CNTN5: variants seen among roughly 807,000 people sequenced by gnomAD.
CNTN5 encodes the protein contactin-5.
In CNTN5, 77 loss-of-function variants were observed where a neutral mutation model predicts 129.1. That is an observed-to-expected ratio of 0.60 (90% CI 0.50 to 0.72). The LOEUF (loss-of-function observed/expected upper bound fraction) is 0.72. CNTN5 is among the 30% of genes least tolerant of loss of function. The probability of loss-of-function intolerance (pLI) is 0.00; values close to 1 mark genes in which losing one functional copy is unlikely to be tolerated. For synonymous variants in CNTN5, 509 were observed against 465.6 expected, an observed-to-expected ratio of 1.09 and a Z score of -1.20; for missense variants, 1,478 against 1,328.8, an observed-to-expected ratio of 1.11 and a Z score of -1.75.
At chr11:100,280,965 T>TA (rs545242782) in intron 18 of CNTN5, among the ~76,000 whole-genome samples, 1 of 152,244 alleles carries the variant, frequency 6.6e-6, no homozygotes, top group East Asian at 1.9e-4. Context: ...AGAAAACTAG[T>TA]AAAAAATCTA....
intron 2 of CNTN5, among the ~76,000 whole-genome samples, chr11:99,397,153 A>G (rs1941567875): frequency 6.6e-6 from 1 of 151,788 alleles, no homozygotes; most frequent in Non-Finnish European, 1.5e-5. Context: ...TTTGAGAAAA[A>G]TCAGTAAGGT....
intron 4 of CNTN5, 119 bp from the exon 5 acceptor site, chr11:99,844,733 A>G: frequency 1.1e-6 from 1 of 869,950 alleles, no homozygotes. Flanking sequence ...TTGGGAATTT[A>G]CCTGTTGATT....
chr11:99,465,636 A>ATTT lies in CNTN5; in HGVS notation c.-70-90503_-70-90501dup, dbSNP rs11400212. On this transcript the variant is annotated intron_variant, in intron 2 of 24. Coordinates refer to ENST00000524871, the MANE Select transcript of CNTN5 (RefSeq NM_014361.4). ...ATTTATTAAATTAATGAATAAATTA[A>ATTT]TTTTTTTTAGATAAGCTGTATTGGT... Among the ~76,000 whole-genome samples the ATTT allele has an allele frequency of 7.8e-3, 1,173 of 150,574 alleles. 56 individuals carry two copies. The highest frequency in any genetic ancestry group is 0.058 in the Admixed American group (878 of 15,132).
In CNTN5 at chr11:99,161,316, A is replaced by G. The variant is rs540416907; in HGVS notation, c.-210+140046A>G. On this transcript the variant is annotated intron_variant, in intron 1 of 24. Transcript: ENST00000524871. ...GACAGATACTTCTAACTGCATACCCAATACTTTTTATTTCCTTAATAACAG... is the reference window on the plus strand; with the variant it reads ...GACAGATACTTCTAACTGCATACCCGATACTTTTTATTTCCTTAATAACAG... Among the ~76,000 whole-genome samples the G allele has an allele frequency of 3.3e-5, 5 of 152,274 alleles. No individual in the cohort carries two copies. In the South Asian group the frequency reaches 1.0e-3, roughly 32 times the overall value.
intron 9 of CNTN5, among the ~76,000 whole-genome samples, chr11:100,020,690 AC>A (rs1375618605): frequency 6.6e-6 from 1 of 152,152 alleles, no homozygotes; most frequent in Admixed American, 6.6e-5. Context: ...AAAGAGTCCA[AC>A]AAAAAGCTAT....
At chr11:99,790,115 A>C (rs778102677) in intron 3 of CNTN5, among the ~76,000 whole-genome samples, 3 of 151,708 alleles carry the variant, frequency 2.0e-5, no homozygotes, top group Non-Finnish European at 4.4e-5. Context: ...AATTTGAAAG[A>C]CATGATTTCA....
At chr11:99,757,747 C>T (rs532766479) in intron 3 of CNTN5, among the ~76,000 whole-genome samples, 4 of 152,054 alleles carry the variant, frequency 2.6e-5, no homozygotes, top group East Asian at 1.9e-4. Context: ...GCTTGAATTC[C>T]GACTCTGCTA....
intron 2 of CNTN5, among the ~76,000 whole-genome samples, chr11:99,336,699 G>A (rs567123557): frequency 1.3e-5 from 2 of 152,100 alleles, no homozygotes; most frequent in African/African-American, 4.8e-5. Flanking sequence ...AATTAGCTGG[G>A]CATGGTGCTG....
chr11:99,714,035 T>C (rs1325529713), intron 3 of CNTN5, among the ~76,000 whole-genome samples: 2 of 151,854 alleles, frequency 1.3e-5, no homozygotes, highest in African/African-American at 4.8e-5. Context: ...CTATAGCTCT[T>C]TGGGGACTTG....
At chr11:99,449,789 A>G (rs753445457) in intron 2 of CNTN5, among the ~76,000 whole-genome samples, 6 of 152,126 alleles carry the variant, frequency 3.9e-5, no homozygotes, top group Non-Finnish European at 8.8e-5. Flanking sequence ...CAATTCCCCA[A>G]GCGCTTATAA....
chr11:99,146,407 A>G (rs1859787122), intron 1 of CNTN5, among the ~76,000 whole-genome samples: 1 of 152,204 alleles, frequency 6.6e-6, no homozygotes, highest in Non-Finnish European at 1.5e-5. Context: ...TACAAAAATT[A>G]TGCATAATCC....
chr11:99,177,576 T>A (rs1164629641), intron 1 of CNTN5, among the ~76,000 whole-genome samples: 1 of 152,228 alleles, frequency 6.6e-6, no homozygotes, highest in Non-Finnish European at 1.5e-5. Context: ...GTGTTATGCA[T>A]GTCTATGGTT....
At chr11:99,985,115 C>G (rs577316241) in intron 8 of CNTN5, among the ~76,000 whole-genome samples, 191 of 152,150 alleles carry the variant, frequency 1.3e-3, no homozygotes, top group African/African-American at 4.4e-3. Flanking sequence ...TTACTTAGCC[C>G]CTTGCCTCAT....
At chr11:99,366,425 G>A (rs1343319264) in intron 2 of CNTN5, among the ~76,000 whole-genome samples, 2 of 152,118 alleles carry the variant, frequency 1.3e-5, no homozygotes, top group African/African-American at 4.8e-5. Flanking sequence ...TAGTATGAAT[G>A]TTGGTAATCA....
At chr11:99,873,209 C>T (rs1344602481) in intron 6 of CNTN5, among the ~76,000 whole-genome samples, 1 of 151,888 alleles carries the variant, frequency 6.6e-6, no homozygotes, top group African/African-American at 2.4e-5. Context: ...ATTGTTACTT[C>T]CTTGAGTTAA....
At position 100,177,696 on chromosome 11, in the gene CNTN5, G is replaced by A. The variant is rs886313214; in HGVS notation, c.1581-13430G>A. Among the ~76,000 whole-genome samples, 4 of 151,998 alleles carry A rather than the reference G, an allele frequency of 2.6e-5. No individual in the cohort carries two copies. In the South Asian group the frequency reaches 8.3e-4, roughly 31 times the overall value. On this transcript the variant is annotated intron_variant, in intron 13 of 24. Transcript: ENST00000524871. ...GTATAATTGTCTTTCCTTTTAAAAAGATGGCTATTTCATCTGCCAAAACAG... is the reference window on the plus strand; with the variant it reads ...GTATAATTGTCTTTCCTTTTAAAAAAATGGCTATTTCATCTGCCAAAACAG...
chr11:100,260,120 C>T lies in CNTN5; in HGVS notation c.2164+4202C>T, dbSNP rs545197325. On this transcript the variant is annotated intron_variant, in intron 17 of 24. Transcript: ENST00000524871. ...AAAAATGATAAAGGGGATATCACTACTGATCCCACAGAAATACAAACTACC... is the reference window on the plus strand; with the variant it reads ...AAAAATGATAAAGGGGATATCACTATTGATCCCACAGAAATACAAACTACC... 4.4e-4 allele frequency among the ~76,000 whole-genome samples: 67 copies of T among 152,278 alleles called. 1 individual carries two copies. The South Asian group carries it at 0.012, about 28-fold the overall frequency.
At chr11:99,381,194 G>A (rs934197203) in intron 2 of CNTN5, among the ~76,000 whole-genome samples, 12 of 152,054 alleles carry the variant, frequency 7.9e-5, no homozygotes, top group Admixed American at 6.6e-4. Flanking sequence ...TAATCACTGC[G>A]GTAAGTGCTA....
rs1944794923 is a variant in CNTN5 at position 100,091,754 on chromosome 11, T to C, written c.1580+17460T>C. On this transcript the variant is annotated intron_variant, in intron 13 of 24. Transcript: ENST00000524871. ...TTTATTCATTTTTTATTTGTCTCAC[T>C]AACTAAAATTGAATCAGGGGGCTTG... Among the ~76,000 whole-genome samples, 5 of 152,196 alleles carry C rather than the reference T, an allele frequency of 3.3e-5. No individual in the cohort carries two copies. In the South Asian group the frequency reaches 1.0e-3, roughly 32 times the overall value.
Sources: allele counts gnomAD v4.1 joint callset (sites outside exome capture counted in the v4.1 genomes callset), GRCh38; gene constraint gnomAD v4.1.1; transcripts MANE v1.5; gene names NCBI Gene and HGNC (gene_info 2026-07-23, HGNC 2026-07-21).